ST14: variants seen among roughly 807,000 people sequenced by gnomAD.
The protein encoded by ST14 is suppressor of tumorigenicity 14 protein.
A neutral mutation model predicts 96.5 loss-of-function variants in ST14; 40 were observed. The ratio of observed to expected loss-of-function variants is 0.41; its 90% confidence interval spans 0.32 to 0.54. The LOEUF (loss-of-function observed/expected upper bound fraction) is 0.54, where lower values mean the gene tolerates loss of function less well. Ranked by LOEUF, ST14 falls within the 20% of genes least tolerant of loss-of-function variation. ST14 has a pLI of 0.17. For synonymous variants in ST14, 506 were observed against 492.1 expected (o/e 1.03, Z -0.37); for missense variants, 1,066 against 1,188.9 (o/e 0.90, Z 1.52).
At chr11:130,207,848 G>A (rs1472613223) in intron 16 of ST14, among the ~76,000 whole-genome samples, 8 of 152,168 alleles carry the variant, frequency 5.3e-5, no homozygotes, top group South Asian at 2.1e-4. Flanking sequence ...CGAGGCGGGC[G>A]GATCACAAGG....
intron 1 of ST14, among the ~76,000 whole-genome samples, chr11:130,167,361 A>G (rs1347000703): frequency 1.3e-5 from 2 of 152,208 alleles, no homozygotes; most frequent in Non-Finnish European, 2.9e-5. Context: ...CAATATAGAA[A>G]TGTACAGTGT....
chr11:130,191,580 C>G (rs187425865), intron 7 of ST14, among the ~76,000 whole-genome samples: 1 of 150,864 alleles, frequency 6.6e-6, no homozygotes, highest in African/African-American at 2.4e-5. Context: ...ATCCCAGCTA[C>G]TCGGGAGGCC....
chr11:130,183,392 G>A (rs12293722), intron 1 of ST14, among the ~76,000 whole-genome samples: 13,469 of 152,174 alleles, frequency 0.089, 1,996 homozygotes, highest in African/African-American at 0.3. Flanking sequence ...CCTGAAAGGC[G>A]AAGTTCCAAA....
chr11:130,191,978 G>A (rs1953308285), intron 7 of ST14, among the ~76,000 whole-genome samples: 1 of 152,192 alleles, frequency 6.6e-6, no homozygotes, highest in Admixed American at 6.5e-5. Flanking sequence ...GCATTGGCCA[G>A]CCTTCCACAG....
At chr11:130,194,572 A>G in intron 8 of ST14, 68 bp from the exon 9 acceptor site, 1 of 1,520,196 alleles carries the variant, frequency 6.6e-7, no homozygotes. Context: ...CAGGCTGCAG[A>G]GCCCTCGTCC....
At chr11:130,173,595 CA>C (rs1372572280) in intron 1 of ST14, among the ~76,000 whole-genome samples, 6,176 of 93,304 alleles carry the variant, frequency 0.066, 150 homozygotes, top group East Asian at 0.21. Flanking sequence ...GACTCTGTCT[CA>C]AAAAAAAAAA....
chr11:130,179,338 A>G (rs1953169647), intron 1 of ST14, among the ~76,000 whole-genome samples: 1 of 152,210 alleles, frequency 6.6e-6, no homozygotes, highest in African/African-American at 2.4e-5. Flanking sequence ...GTTGCGATCA[A>G]TGGGAACCAT....
chr11:130,196,366 C>A lies in ST14; in HGVS notation c.1141C>A (p.Arg381Ser), dbSNP rs17667603. The A allele has an allele frequency of 0.066, 105,967 of 1,602,486 alleles. 4,017 individuals carry two copies. The highest frequency in any genetic ancestry group is 0.077 in the Non-Finnish European group (90,033 of 1,174,802). ...GCCCAACAACCAGCATGTGAAGGTGCGCTTCAAATTCTTCTACCTGCTGGA... is the reference window on the plus strand; with the variant it reads ...GCCCAACAACCAGCATGTGAAGGTGAGCTTCAAATTCTTCTACCTGCTGGA... ...EVPNNQHVKVRFKFFYLLEPG... is the reference protein window; with the variant it reads ...EVPNNQHVKVSFKFFYLLEPG... The change falls in exon 10 of 19, where the codon CGC becomes AGC. Residue 381 changes from arginine (R) to serine (S), a missense_variant. By Grantham distance (110) the Arg-to-Ser change is moderately radical. Transcript: ENST00000278742.
intron 16 of ST14, among the ~76,000 whole-genome samples, chr11:130,201,110 A>G (rs1045965925): frequency 2.0e-4 from 30 of 152,368 alleles, no homozygotes; most frequent in African/African-American, 5.5e-4. Flanking sequence ...GGTGCTCAGC[A>G]TGTCATGGCC....
rs1470110560 is a variant in ST14, at chr11:130,159,960, C to G, written c.-20C>G. 2 of 1,315,090 alleles carry G rather than the reference C, an allele frequency of 1.5e-6. No individual in the cohort carries two copies. The highest frequency in any genetic ancestry group is 2.0e-6 in the Non-Finnish European group (2 of 1,020,116). 81.5% of individuals were successfully genotyped at this position (1,315,090 alleles called of 1,614,324 possible). On this transcript the variant is annotated 5_prime_UTR_variant, in exon 1 of 19. Coordinates refer to ENST00000278742, the MANE Select transcript of ST14 (RefSeq NM_021978.4). ...CGGCAGGGACGACGCCTGTGAGACC[C>G]GCGAGCGGCCTCGGGGACCATGGGG...
chr11:130,191,641 G>T (rs541284962), intron 7 of ST14, among the ~76,000 whole-genome samples: 1 of 145,258 alleles, frequency 6.9e-6, no homozygotes, highest in Non-Finnish European at 1.5e-5. Flanking sequence ...AGTGAGCCGA[G>T]ATCGTACCAC....
chr11:130,196,161 A>T (rs1435641475), intron 9 of ST14, among the ~76,000 whole-genome samples, 178 bp from the exon 10 acceptor site: 1 of 151,730 alleles, frequency 6.6e-6, no homozygotes, highest in East Asian at 1.9e-4. Flanking sequence ...CTCCATCTCA[A>T]AAAACAAACA....
At chr11:130,194,053 G>A (rs1953332865) in intron 7 of ST14, 96 bp from the exon 8 acceptor site, 2 of 1,524,702 alleles carry the variant, frequency 1.3e-6, no homozygotes, top group Admixed American at 1.7e-5. Context: ...GTTAGGGGTG[G>A]GGTCCTCAGG....
At chr11:130,183,206 T>C (rs988951208) in intron 1 of ST14, among the ~76,000 whole-genome samples, 1 of 151,882 alleles carries the variant, frequency 6.6e-6, no homozygotes, top group Non-Finnish European at 1.5e-5. Context: ...GTGATCTGCC[T>C]GCCTCGGCCT....
rs1238596314 is a variant in ST14 at position 130,188,760 on chromosome 11, G to A, written c.369+103G>A. On this transcript the variant is annotated intron_variant, in intron 3 of 18. Transcript: ENST00000278742. The surrounding 1 kb of genome is among the most constrained non-coding windows in gnomAD (Gnocchi z 5.4). ...GCCTGTGCTCCCAGGGCCCTGGGAT[G>A]GGGGTGATCTGCAAAGGGGACCCGG... The A allele has an allele frequency of 5.0e-6, 8 of 1,602,594 alleles. No individual in the cohort carries two copies. The East Asian group carries it at 1.3e-4, about 27-fold the overall frequency.
intron 1 of ST14, among the ~76,000 whole-genome samples, chr11:130,173,006 G>A (rs992448648): frequency 6.6e-6 from 1 of 152,178 alleles, no homozygotes; most frequent in East Asian, 1.9e-4. Flanking sequence ...TGGGGAGCTG[G>A]TGCAGGGGAG....
At chr11:130,197,351 G>A (rs1385656445) in intron 11 of ST14, among the ~76,000 whole-genome samples, 4 of 152,238 alleles carry the variant, frequency 2.6e-5, no homozygotes, top group African/African-American at 9.6e-5. Flanking sequence ...CTGCAAAGTG[G>A]TCAGATGCCT....
chr11:130,194,809 C>A, intron 9 of ST14, 72 bp downstream of exon 9: 3 of 1,432,940 alleles, frequency 2.1e-6, no homozygotes, highest in Non-Finnish European at 1.9e-6. Context: ...TCTCCCTGTG[C>A]AGATGTGTGT....
chr11:130,192,683 C>G (rs1031265470), intron 7 of ST14, among the ~76,000 whole-genome samples: 3 of 152,238 alleles, frequency 2.0e-5, no homozygotes, highest in Non-Finnish European at 4.4e-5. Flanking sequence ...TGAGCCACAG[C>G]ACCCGGCCAA....
Sources: allele counts gnomAD v4.1 joint callset (sites outside exome capture counted in the v4.1 genomes callset), GRCh38; gene constraint gnomAD v4.1.1; non-coding constraint Gnocchi (gnomAD v3.1); transcripts MANE v1.5; gene names NCBI Gene and HGNC (gene_info 2026-07-23, HGNC 2026-07-21).